The following OR51B5 variants were observed in gnomAD, a reference collection of about 807,000 sequenced individuals.
OR51B5 encodes olfactory receptor 51B5.
For synonymous variants in OR51B5, 186 were observed against 144.8 expected (o/e 1.28, Z -2.04); for missense variants, 456 against 374.6 (o/e 1.22, Z -1.79).
upstream of OR51B5, among the ~76,000 whole-genome samples, chr11:5,348,407 A>G (rs1217241150): frequency 6.6e-6 from 1 of 152,088 alleles, no homozygotes; most frequent in Admixed American, 6.6e-5. Context: ...AAGTCCAGAT[A>G]AGTGCCAAAT....
At chr11:5,365,650 C>T (rs943668309) in intron 1 of OR51B5, among the ~76,000 whole-genome samples, 1 of 152,138 alleles carries the variant, frequency 6.6e-6, no homozygotes, top group East Asian at 1.9e-4. Flanking sequence ...TAACACACCT[C>T]CAAATGTGTT....
chr11:5,417,070 C>A (rs1366389087), intron 1 of OR51B5, among the ~76,000 whole-genome samples: 1 of 150,996 alleles, frequency 6.6e-6, no homozygotes, highest in African/African-American at 2.4e-5. Flanking sequence ...GTACTGGTAC[C>A]AAAACAGAGA....
intron 1 of OR51B5, chr11:5,489,725 A>G (rs772160793): frequency 2.0e-4 from 213 of 1,089,488 alleles, no homozygotes; most frequent in Non-Finnish European, 2.7e-4. Context: ...ATACATTTAC[A>G]TGGACACACA....
At chr11:5,376,946 C>G (rs1849537711) in intron 1 of OR51B5, among the ~76,000 whole-genome samples, 1 of 151,806 alleles carries the variant, frequency 6.6e-6, no homozygotes, top group South Asian at 2.1e-4. Flanking sequence ...AGGAATCCTC[C>G]CTAACTCATT....
chr11:5,365,593 A>T (rs1350523280), intron 1 of OR51B5, among the ~76,000 whole-genome samples: 1 of 152,210 alleles, frequency 6.6e-6, no homozygotes, highest in East Asian at 1.9e-4. Context: ...TGCACATGAC[A>T]TCGGTTTGCC....
chr11:5,412,808 C>G (rs963197007), intron 1 of OR51B5, among the ~76,000 whole-genome samples: 48 of 152,136 alleles, frequency 3.2e-4, no homozygotes, highest in South Asian at 1.2e-3. Flanking sequence ...CTGGGTGGAG[C>G]CCACCACAGC....
chr11:5,441,377 G>A (rs749491967), intron 1 of OR51B5: 2 of 1,613,808 alleles, frequency 1.2e-6, no homozygotes, highest in Non-Finnish European at 1.7e-6. Context: ...GAGTGAGAAT[G>A]CTGAGGTTAC....
intron 1 of OR51B5, among the ~76,000 whole-genome samples, chr11:5,395,541 C>G (rs1161069691): frequency 6.6e-6 from 1 of 152,152 alleles, no homozygotes; most frequent in Non-Finnish European, 1.5e-5. Flanking sequence ...GGACTTGTTA[C>G]TGGGCTATGC....
chr11:5,370,644 T>C (rs1427825373), intron 1 of OR51B5, among the ~76,000 whole-genome samples: 1 of 152,234 alleles, frequency 6.6e-6, no homozygotes, highest in Non-Finnish European at 1.5e-5. Context: ...GTTTATCTAA[T>C]GAGAGGCTTC....
At chr11:5,381,427 G>A (rs2736542) in intron 1 of OR51B5, among the ~76,000 whole-genome samples, 53,705 of 152,108 alleles carry the variant, frequency 0.35, 9,932 homozygotes, top group Non-Finnish European at 0.4. Context: ...AGATAGGTCC[G>A]AGGACTTGCT....
intron 1 of OR51B5, chr11:5,354,548 G>C (rs1477172948): frequency 1.3e-5 from 2 of 152,452 alleles, no homozygotes; most frequent in African/African-American, 4.8e-5. Flanking sequence ...CAGAGCTCTG[G>C]GCTCCCGATG....
chr11:5,472,991 G>A lies in OR51B5; in HGVS notation n.84+32578C>T, dbSNP rs1851251086. Among the ~76,000 whole-genome samples, 2 of 152,208 alleles carry A rather than the reference G, an allele frequency of 1.3e-5. 1 individual carries two copies. The highest frequency in any genetic ancestry group is 4.1e-4 in the South Asian group (2 of 4,832). ...AGAAACTCCTCAGTTTTGGCAAGCT[G>A]ATAACAACTTGCCACCCTACTGCCA... On this transcript the variant is annotated intron_variant and non_coding_transcript_variant, in intron 1 of 4. Coordinates refer to the OR51B5 transcript ENST00000415970.
At chr11:5,351,916 A>T in intron 1 of OR51B5, 1 of 1,613,124 alleles carries the variant, frequency 6.2e-7, no homozygotes, top group East Asian at 2.2e-5. Flanking sequence ...CCTGACCAAC[A>T]CCCAGGTAAT....
intron 1 of OR51B5, among the ~76,000 whole-genome samples, chr11:5,404,566 T>A (rs1342534861): frequency 6.6e-6 from 1 of 152,268 alleles, no homozygotes; most frequent in African/African-American, 2.4e-5. Flanking sequence ...AGAAACAGGA[T>A]GTGGGCGGGG....
chr11:5,385,849 T>G (rs1164471145), intron 1 of OR51B5, among the ~76,000 whole-genome samples: 1 of 144,564 alleles, frequency 6.9e-6, no homozygotes, highest in African/African-American at 2.5e-5. Flanking sequence ...TATACTAAAA[T>G]GTATATTCTA....
chr11:5,450,984 G>A (rs541698375), intron 1 of OR51B5, among the ~76,000 whole-genome samples: 1 of 152,232 alleles, frequency 6.6e-6, no homozygotes, highest in East Asian at 1.9e-4. Flanking sequence ...TTAAATTAAT[G>A]TTTTATCACC....
intron 1 of OR51B5, among the ~76,000 whole-genome samples, chr11:5,375,162 G>C (rs1333104104): frequency 6.8e-6 from 1 of 147,344 alleles, no homozygotes; most frequent in Non-Finnish European, 1.5e-5. Context: ...AGCCAGAAGA[G>C]AGTGGGGGCC....
rs149413932 is a variant in OR51B5, at chr11:5,409,079, T to C, written n.85-62169A>G. On this transcript the variant is annotated intron_variant and non_coding_transcript_variant, in intron 1 of 4. Coordinates refer to the OR51B5 transcript ENST00000415970. The stretch of plus-strand genomic sequence containing the variant: ...CTTCTAAGCAGGATGTTGTAGTCTA[T>C]GGAAGACCAATATTCCTGCTGAAAA... Among the ~76,000 whole-genome samples, 16 of 152,304 alleles carry C rather than the reference T, an allele frequency of 1.1e-4. No individual in the cohort carries two copies. The East Asian group carries it at 2.9e-3, about 27-fold the overall frequency.
At chr11:5,462,954 G>T (rs1041330450) in intron 1 of OR51B5, among the ~76,000 whole-genome samples, 1 of 152,160 alleles carries the variant, frequency 6.6e-6, no homozygotes, top group African/African-American at 2.4e-5. Flanking sequence ...TCAAGAATCT[G>T]TTCCAAAAAA....
Sources: gnomAD v4.1 joint callset for allele counts (sites outside exome capture counted in the v4.1 genomes callset) on GRCh38, gnomAD v4.1.1 for gene constraint, MANE v1.5 for transcripts, NCBI Gene and HGNC (gene_info 2026-07-23, HGNC 2026-07-21) for gene names.